Variants in NSD3 observed in about 807,000 individuals in gnomAD.
NSD3 encodes the protein histone-lysine N-methyltransferase NSD3.
NSD3 carries 24 observed loss-of-function variants against 160.8 expected under a neutral mutation model. The ratio of observed to expected loss-of-function variants is 0.15; its 90% confidence interval spans 0.11 to 0.21. The LOEUF is 0.21. Ranked by LOEUF, NSD3 falls within the 10% of genes least tolerant of loss-of-function variation. The pLI is 1.00. For missense variants in NSD3, 1,157 were observed against 1,735.9 expected, an observed-to-expected ratio of 0.67 and a Z score of 5.93; for synonymous variants, 520 against 600.0, an observed-to-expected ratio of 0.87 and a Z score of 1.95.
intron 5 of NSD3, among the ~76,000 whole-genome samples, chr8:38,331,166 T>C (rs1407527644): frequency 2.0e-5 from 3 of 152,204 alleles, no homozygotes; most frequent in African/African-American, 7.2e-5. Context: ...GGTACACTTA[T>C]GCACATTAAT....
At position 38,295,970 on chromosome 8, in the gene NSD3, G is replaced by A. The variant is rs1809126361; in HGVS notation, c.2759-18C>T. 8 of 1,598,128 alleles carry A rather than the reference G, an allele frequency of 5.0e-6. No individual in the cohort carries two copies. Among genetic ancestry groups the A allele is most frequent in the Non-Finnish European group, 6.8e-6 (8 of 1,173,796 alleles). On this transcript the variant is annotated intron_variant, in intron 15 of 23. Coordinates refer to ENST00000317025, the MANE Select transcript of NSD3 (RefSeq NM_023034.2). ...TCTTCCACCTTGAAACAAATAAACA[G>A]TCTTAATAACTGAGAAAAGAGGAGA...
chr8:38,354,526 C>T (rs1378551949), intron 1 of NSD3, among the ~76,000 whole-genome samples: 1 of 152,152 alleles, frequency 6.6e-6, no homozygotes, highest in Admixed American at 6.5e-5. Context: ...AGAATGTTCT[C>T]ATTCTTAGGA....
At chr8:38,292,808 C>A (rs556321838) in intron 16 of NSD3, among the ~76,000 whole-genome samples, 96 of 142,644 alleles carry the variant, frequency 6.7e-4, no homozygotes, top group Non-Finnish European at 8.5e-4. Context: ...AACAAACAAA[C>A]AAAAAAAACA....
chr8:38,373,283 C>T (rs972106682), intron 1 of NSD3, among the ~76,000 whole-genome samples: 2 of 151,412 alleles, frequency 1.3e-5, no homozygotes, highest in Non-Finnish European at 2.9e-5. Flanking sequence ...AGTGCAGTGG[C>T]GCAATCTTGG....
At chr8:38,363,112 G>A (rs143885406) in intron 1 of NSD3, among the ~76,000 whole-genome samples, 3 of 152,214 alleles carry the variant, frequency 2.0e-5, no homozygotes, top group East Asian at 1.9e-4. Context: ...AACTACTTCC[G>A]TGTTAACGAA....
Position 38,272,006 on chromosome 8 carries a change from T to C in NSD3, c.*3635A>G, listed in dbSNP as rs1808494340. 1 of 152,252 alleles carries C rather than the reference T, an allele frequency of 6.6e-6. No homozygotes were observed. Among genetic ancestry groups the C allele is most frequent in the Non-Finnish European group, 1.5e-5 (1 of 68,046 alleles). The allele number at this position is 152,252 out of a possible 1,614,324, so 9.4% of individuals were successfully genotyped here. Reference sequence around the variant, plus strand: ...AACAGTAGGTCTGGGTTTGACCTATTGGAATACACCATGCAAGAAACTACT... The same window carrying C: ...AACAGTAGGTCTGGGTTTGACCTATCGGAATACACCATGCAAGAAACTACT... On this transcript the variant is annotated 3_prime_UTR_variant, in exon 24 of 24. Transcript: ENST00000317025.
intron 12 of NSD3, among the ~76,000 whole-genome samples, chr8:38,312,398 G>A (rs980181794): frequency 2.6e-5 from 4 of 152,172 alleles, no homozygotes; most frequent in Admixed American, 1.3e-4. Flanking sequence ...GGATTCTAGA[G>A]TTAGGAGAGA....
rs976073261 is a variant in NSD3 at position 38,378,855 on chromosome 8, C to T, written c.-45+2944G>A. 4.0e-5 allele frequency among the ~76,000 whole-genome samples: 6 copies of T among 149,806 alleles called. No homozygotes were observed. In the East Asian group the frequency reaches 1.2e-3, roughly 29 times the overall value. ...AAAAAAAAAAAAAAAGTACTAACTT[C>T]ATAAAACTGTTAGGAGGATAAAAGG... is the stretch of plus-strand genomic sequence containing the variant. On this transcript the variant is annotated intron_variant, in intron 1 of 23. Transcript: ENST00000317025.
At position 38,274,571 on chromosome 8, in the gene NSD3, C is replaced by T. The variant is rs551494332; in HGVS notation, c.*1070G>A. ...TCAACCAAAAAGATCTATTCAAATA[C>T]AATTCAAACTCACTTGTGTGGTTTT... On this transcript the variant is annotated 3_prime_UTR_variant, in exon 24 of 24. Transcript: ENST00000317025. The T allele has an allele frequency of 1.6e-4, 24 of 152,290 alleles. No homozygotes were observed. The highest frequency in any genetic ancestry group is 1.6e-3 in the Admixed American group (24 of 15,300). The allele number at this position is 152,290 out of a possible 1,614,324, so 9.4% of individuals were successfully genotyped here.
At chr8:38,374,414 A>G (rs552040051) in intron 1 of NSD3, among the ~76,000 whole-genome samples, 19 of 152,332 alleles carry the variant, frequency 1.2e-4, no homozygotes, top group African/African-American at 4.6e-4. Flanking sequence ...TGTGGGTAAT[A>G]TAAGCTATGA....
At chr8:38,336,501 G>C (rs1810219149) in intron 4 of NSD3, among the ~76,000 whole-genome samples, 1 of 152,100 alleles carries the variant, frequency 6.6e-6, no homozygotes, top group South Asian at 2.1e-4. Flanking sequence ...ACCGATTCAA[G>C]AATGGAGTGT....
rs1811209001 is a variant in NSD3 at position 38,370,167 on chromosome 8, GA to G, written c.-45+11631del. Among the ~76,000 whole-genome samples, 3 of 152,258 alleles carry G rather than the reference GA, an allele frequency of 2.0e-5. No individual in the cohort carries two copies. In the South Asian group the frequency reaches 6.2e-4, roughly 32 times the overall value. On this transcript the variant is annotated intron_variant, in intron 1 of 23. Coordinates refer to ENST00000317025, the MANE Select transcript of NSD3 (RefSeq NM_023034.2). ...ATAACAAAAGAACAACTTTCGGGGGGAAGGTCAATTAGAACAAAGCAAACCT... is the reference window on the plus strand; with the variant it reads ...ATAACAAAAGAACAACTTTCGGGGGGAGGTCAATTAGAACAAAGCAAACCT...
rs1400528851 is a variant in NSD3, at chr8:38,306,974, G to GTGTGGTGGCGGGCGCC, written c.2243-1545_2243-1530dup. 6.9e-4 allele frequency among the ~76,000 whole-genome samples: 105 copies of GTGTGGTGGCGGGCGCC among 151,850 alleles called. No individual in the cohort carries two copies. The East Asian group carries it at 0.019, about 27-fold the overall frequency. On this transcript the variant is annotated intron_variant, in intron 12 of 23. Coordinates refer to ENST00000317025, the MANE Select transcript of NSD3 (RefSeq NM_023034.2). ...CTAAAAATACAAAAAAATTAGCCGG[G>GTGTGGTGGCGGGCGCC]TGTGGTGGCGGGCGCCTGTAGTCGC...
chr8:38,346,238 T>C (rs901000035), intron 2 of NSD3, among the ~76,000 whole-genome samples: 1 of 148,436 alleles, frequency 6.7e-6, no homozygotes, highest in African/African-American at 2.5e-5. Context: ...TGTATATGTG[T>C]GTACATAAGT....
intron 19 of NSD3, among the ~76,000 whole-genome samples, chr8:38,285,964 C>T (rs1808845966): frequency 6.6e-6 from 1 of 152,208 alleles, no homozygotes; most frequent in South Asian, 2.1e-4. Flanking sequence ...CTCCATACCA[C>T]AGCCACAGTT....
intron 4 of NSD3, among the ~76,000 whole-genome samples, chr8:38,335,822 T>C (rs1430066196): frequency 6.6e-6 from 1 of 152,224 alleles, no homozygotes; most frequent in Admixed American, 6.5e-5. Context: ...TATGGGATAA[T>C]AAAAGTACCT....
rs1298007404 is a variant in NSD3 at position 38,348,235 on chromosome 8, G to A, written c.-44-20C>T. On this transcript the variant is annotated intron_variant, in intron 1 of 23. Coordinates refer to ENST00000317025, the MANE Select transcript of NSD3 (RefSeq NM_023034.2). The stretch of plus-strand genomic sequence containing the variant: ...TCGGGCCTAAAATTATAAAAGAGGG[G>A]ATTAGAAGGTGTTACTATTCTCATA... 1.3e-5 allele frequency: 20 copies of A among 1,496,580 alleles called. No homozygotes were observed. In the East Asian group the frequency reaches 4.6e-4, roughly 34 times the overall value. 92.7% of individuals were successfully genotyped at this position (1,496,580 alleles called of 1,614,324 possible).
intron 1 of NSD3, among the ~76,000 whole-genome samples, chr8:38,377,490 A>G (rs1811423436): frequency 6.6e-6 from 1 of 151,902 alleles, no homozygotes; most frequent in Non-Finnish European, 1.5e-5. Flanking sequence ...CTGCGATTAC[A>G]GGCGCCGCCA....
At chr8:38,338,474 A>G (rs533517548) in intron 3 of NSD3, 62 bp downstream of exon 3, 1 of 1,331,436 alleles carries the variant, frequency 7.5e-7, no homozygotes, top group South Asian at 1.2e-5. Context: ...TTGCAATTCA[A>G]TCACTGTGTT....
Sources: gnomAD v4.1 joint callset for allele counts (sites outside exome capture counted in the v4.1 genomes callset) on GRCh38, gnomAD v4.1.1 for gene constraint, MANE v1.5 for transcripts, NCBI Gene and HGNC (gene_info 2026-07-23, HGNC 2026-07-21) for gene names.